Variants in CERS1 observed in about 807,000 individuals in gnomAD.
CERS1 encodes ceramide synthase 1.
A neutral mutation model predicts 35.7 loss-of-function variants in CERS1; 16 were observed. The ratio of observed to expected loss-of-function variants is 0.45; its 90% CI spans 0.30 to 0.68. The LOEUF (loss-of-function observed/expected upper bound fraction) is 0.68, where lower values mean the gene tolerates loss of function less well. Ranked by LOEUF, CERS1 falls within the 30% of genes least tolerant of loss-of-function variation. The pLI is 0.08. For missense variants in CERS1, 454 were observed against 453.9 expected (o/e 1.00, Z 0.00); for synonymous variants, 243 against 201.6 (o/e 1.21, Z -1.74).
rs186247725 is a variant in CERS1, at chr19:18,889,093, T to C, written c.409+4323A>G. Among the ~76,000 whole-genome samples the C allele has an allele frequency of 9.9e-5, 15 of 151,986 alleles. No homozygotes were observed. The East Asian group carries it at 2.5e-3, about 26-fold the overall frequency. On this transcript the variant is annotated intron_variant, in intron 2 of 7. Transcript: ENST00000623882. The stretch of plus-strand genomic sequence containing the variant: ...TTTTAGTAGAGACAGGGTTTCACCA[T>C]GTTGGCCAGGCTGGTCTGGAACTCC...
Position 18,869,379 on chromosome 19 carries a change from G to C in CERS1, c.*606C>G. 6.5e-7 allele frequency: 1 copy of C among 1,529,072 alleles called. No individual in the cohort carries two copies. Among genetic ancestry groups the C allele is most frequent in the African/African-American group, 1.4e-5 (1 of 72,386 alleles). 94.7% of individuals were successfully genotyped at this position (1,529,072 alleles called of 1,614,324 possible). On this transcript the variant is annotated 3_prime_UTR_variant, in exon 8 of 8. Coordinates refer to ENST00000623882, the MANE Select transcript of CERS1 (RefSeq NM_021267.5). ...GCGGCCGAGGCAGGCTCCGAGGCCC[G>C]GGTGGGCGCACCTGGGGAGGTAGGA...
chr19:18,869,348 T>C lies in CERS1; in HGVS notation c.*637A>G. The C allele has an allele frequency of 6.5e-7, 1 of 1,531,704 alleles. No individual in the cohort carries two copies. The highest frequency in any genetic ancestry group is 8.7e-7 in the Non-Finnish European group (1 of 1,146,422). 94.9% of individuals were successfully genotyped at this position (1,531,704 alleles called of 1,614,324 possible). On this transcript the variant is annotated 3_prime_UTR_variant, in exon 8 of 8. Transcript: ENST00000623882. The stretch of plus-strand genomic sequence containing the variant: ...GAAGACGACTGTCCACTCAGGGCAA[T>C]GCCCCGCGGCCGAGGCAGGCTCCGA...
Position 18,868,782 on chromosome 19 carries a change from GC to G in CERS1, c.*1202del, listed in dbSNP as rs1213194580. 25 of 1,464,364 alleles carry G rather than the reference GC, an allele frequency of 1.7e-5. No individual in the cohort carries two copies. In the East Asian group the frequency reaches 2.2e-4, roughly 13 times the overall value. 90.7% of individuals were successfully genotyped at this position (1,464,364 alleles called of 1,614,324 possible). A position where few individuals can be genotyped will look rare whatever the true frequency, so the allele number is the denominator to read the frequency against. On this transcript the variant is annotated 3_prime_UTR_variant, in exon 8 of 8. Coordinates refer to ENST00000623882, the MANE Select transcript of CERS1 (RefSeq NM_021267.5). ...AGCACAGCGTGGTTGAGCGCCGGCG[GC>G]CCCCCGGACCCCGACAGCGCGACGG...
chr19:18,888,960 C>T (rs1030092583), intron 2 of CERS1, among the ~76,000 whole-genome samples: 20 of 144,390 alleles, frequency 1.4e-4, no homozygotes, highest in African/African-American at 4.9e-4. Context: ...AGCATGATCT[C>T]GACTCACTGC....
At chr19:18,881,143 C>T (rs546410410) in intron 3 of CERS1, among the ~76,000 whole-genome samples, 27 of 152,234 alleles carry the variant, frequency 1.8e-4, no homozygotes, top group African/African-American at 6.5e-4. Flanking sequence ...GATGAGACTT[C>T]CAGGTCTGTA....
chr19:18,875,251 A>C (rs1433477887), intron 6 of CERS1, among the ~76,000 whole-genome samples: 1 of 147,976 alleles, frequency 6.8e-6, no homozygotes, highest in South Asian at 2.1e-4. Flanking sequence ...AAAAAAAAAG[A>C]AAGAAAGAAA....
At chr19:18,873,316 G>T (rs1489788511) in intron 6 of CERS1, among the ~76,000 whole-genome samples, 3 of 152,124 alleles carry the variant, frequency 2.0e-5, no homozygotes, top group African/African-American at 7.2e-5. Flanking sequence ...AGTCGGTGTG[G>T]ATTAAGTGTG....
chr19:18,892,985 C>T (rs2056530752), intron 2 of CERS1, among the ~76,000 whole-genome samples: 2 of 143,124 alleles, frequency 1.4e-5, no homozygotes, highest in Admixed American at 6.9e-5. Context: ...GGCGCGAACT[C>T]GGCTCACTGC....
In CERS1 at chr19:18,870,406, C is replaced by T; in HGVS notation, c.*171G>A. 7.7e-7 allele frequency: 1 copy of T among 1,292,066 alleles called. No homozygotes were observed. The highest frequency in any genetic ancestry group is 1.3e-5 in the South Asian group (1 of 76,018). 80.0% of individuals were successfully genotyped at this position (1,292,066 alleles called of 1,614,324 possible). A position where few individuals can be genotyped will look rare whatever the true frequency, so the allele number is the denominator to read the frequency against. On this transcript the variant is annotated 3_prime_UTR_variant, in exon 7 of 8. Transcript: ENST00000623882. This position sits in a 1 kb window ranked among gnomAD's most constrained non-coding sequence, Gnocchi z 5.1. ...CGGTGTCCCCGGAGGGGCAGGGGTCCTGGGGGGCGTGGCCGGGAACTGGAG... is the reference window on the plus strand; with the variant it reads ...CGGTGTCCCCGGAGGGGCAGGGGTCTTGGGGGGCGTGGCCGGGAACTGGAG...
At chr19:18,889,455 C>G (rs916604077) in intron 2 of CERS1, among the ~76,000 whole-genome samples, 1 of 152,056 alleles carries the variant, frequency 6.6e-6, no homozygotes, top group African/African-American at 2.4e-5. Context: ...CTCACTCTGT[C>G]AACCTGGCTG....
At position 18,879,333 on chromosome 19, in the gene CERS1, A is replaced by G. The variant is rs1445129835; in HGVS notation, c.808T>C (p.Cys270Arg). 1.2e-6 allele frequency: 2 copies of G among 1,605,912 alleles called. No homozygotes were observed. Among genetic ancestry groups the G allele is most frequent in the Non-Finnish European group, 1.7e-6 (2 of 1,176,372 alleles). The change falls in exon 5 of 8, where the codon TGC (cysteine) becomes CGC (arginine). Residue 270 changes from cysteine (C) to arginine (R), a missense_variant. Physicochemically the swap from Cys to Arg is radical, Grantham distance 180 (BLOSUM62 -3). Transcript: ENST00000623882. ...PLKVLYATSHCSLRTVPDIPF... is the reference protein window; with the variant it reads ...PLKVLYATSHRSLRTVPDIPF... ...ATGTCAGGCACCGTGCGCAGACTGC[A>G]GTGACTGGTGGCATACAGGACCTTG...
At chr19:18,893,220 T>C (rs1215592284) in intron 2 of CERS1, among the ~76,000 whole-genome samples, 196 bp downstream of exon 2, 1 of 151,396 alleles carries the variant, frequency 6.6e-6, no homozygotes, top group African/African-American at 2.4e-5. Flanking sequence ...GCCCTCTTTT[T>C]CTTTTTTGAT....
intron 2 of CERS1, among the ~76,000 whole-genome samples, chr19:18,887,414 C>T (rs1400005325): frequency 6.6e-6 from 1 of 152,084 alleles, no homozygotes; most frequent in African/African-American, 2.4e-5. Context: ...GATAATGTTC[C>T]AGACCTAGAC....
At position 18,868,625 on chromosome 19, in the gene CERS1, A is replaced by G. The variant is rs374016704; in HGVS notation, c.*1360T>C. 329 of 1,571,682 alleles carry G rather than the reference A, an allele frequency of 2.1e-4. No homozygotes were observed. Among genetic ancestry groups the G allele is most frequent in the Non-Finnish European group, 3.9e-5 (45 of 1,158,818 alleles). ...GCGGCAGCCGCACTCGTCCACCACCATGTCCTCATACTGCCGCAGCACCAC... is the reference window on the plus strand; with the variant it reads ...GCGGCAGCCGCACTCGTCCACCACCGTGTCCTCATACTGCCGCAGCACCAC... On this transcript the variant is annotated 3_prime_UTR_variant, in exon 8 of 8. Transcript: ENST00000623882.
At chr19:18,879,611 A>T (rs1157889507) in intron 4 of CERS1, among the ~76,000 whole-genome samples, 1 of 31,486 alleles carries the variant, frequency 3.2e-5, no homozygotes, top group Non-Finnish European at 6.1e-5. Flanking sequence ...CTTCCCTGCC[A>T]GGCCTCACCC....
chr19:18,881,577 C>T (rs1173703238), intron 3 of CERS1: 1 of 152,192 alleles, frequency 6.6e-6, no homozygotes, highest in African/African-American at 2.4e-5. Flanking sequence ...GAGTCTCCAT[C>T]TGACAGATGA....
In CERS1 at chr19:18,885,521, T is replaced by TG. The variant is rs1390296930; in HGVS notation, c.410-1255_410-1254insC. On this transcript the variant is annotated intron_variant, in intron 2 of 7. Transcript: ENST00000623882. ...CCAGCGCCCCTTCTCGTTTTTTTTT[T>TG]TTTTTTTTTTTTTTTTGAGATGGAG... 4.9e-3 allele frequency among the ~76,000 whole-genome samples: 654 copies of TG among 134,766 alleles called. 20 individuals are homozygous for TG. The highest frequency in any genetic ancestry group is 0.012 in the African/African-American group (424 of 36,188). 88.4% of individuals were successfully genotyped at this position (134,766 alleles called of 152,430 possible). A position where few individuals can be genotyped will look rare whatever the true frequency, so the allele number is the denominator to read the frequency against.
At chr19:18,879,821 C>A (rs1481318756) in intron 4 of CERS1, among the ~76,000 whole-genome samples, 2 of 139,614 alleles carry the variant, frequency 1.4e-5, no homozygotes, top group Non-Finnish European at 1.5e-5. Context: ...CCTCACCAAG[C>A]CCCCACCTCC....
intron 2 of CERS1, among the ~76,000 whole-genome samples, chr19:18,890,328 G>T (rs1056765175): frequency 6.6e-6 from 1 of 152,200 alleles, no homozygotes; most frequent in Non-Finnish European, 1.5e-5. Context: ...GATAGACTGC[G>T]TACTGCACCG....
Sources: allele counts gnomAD v4.1 joint callset (sites outside exome capture counted in the v4.1 genomes callset), GRCh38; gene constraint gnomAD v4.1.1; non-coding constraint Gnocchi (gnomAD v3.1); transcripts MANE v1.5; gene names NCBI Gene and HGNC (gene_info 2026-07-23, HGNC 2026-07-21).